ZNF195: variants seen among roughly 807,000 people sequenced by gnomAD.
The protein encoded by ZNF195 is hypoxia-regulated factor-1.
A neutral mutation model predicts 19.5 loss-of-function variants in ZNF195; 11 were observed. The observed-to-expected ratio is 0.57, with a 90% CI of 0.36 to 0.94. ZNF195 has a LOEUF of 0.94. ZNF195 is among the 40% of genes least tolerant of loss of function. ZNF195 has a pLI of 0.01. For missense variants in ZNF195, 582 were observed against 709.0 expected, an observed-to-expected ratio of 0.82 and a Z score of 2.03; for synonymous variants, 214 against 248.1, an observed-to-expected ratio of 0.86 and a Z score of 1.29.
intron 1 of ZNF195, among the ~76,000 whole-genome samples, chr11:3,372,111 A>C (rs1481281469): frequency 2.6e-5 from 4 of 152,212 alleles, no homozygotes; most frequent in African/African-American, 9.7e-5. Flanking sequence ...CGAATTTCTA[A>C]CGCGCTCACC....
Position 3,359,997 on chromosome 11 carries a change from G to A in ZNF195, c.1011C>T (p.Asn337=), listed in dbSNP as rs1848549892. The A allele has an allele frequency of 1.2e-6, 2 of 1,614,048 alleles. No homozygotes were observed. The highest frequency in any genetic ancestry group is 2.7e-5 in the African/African-American group (2 of 75,054). The change falls in exon 6 of 6, where the codon AAC becomes AAT. Residue 337 remains asparagine (N), a synonymous_variant. Transcript: ENST00000399602. The surrounding 1 kb of genome is among the most constrained non-coding windows in gnomAD (Gnocchi z 5.5). The part of the protein sequence containing the change: ...YRCEEFGKVF[N]QCSHLTEHEH... ...CATGTTCAGTAAGGTGGGAGCACTG[G>A]TTAAATACTTTGCCAAATTCTTCAC... is the stretch of plus-strand genomic sequence containing the variant.
Position 3,371,699 on chromosome 11 carries a change from AGAGTCT to A in ZNF195, c.4-2_7del. On this transcript the variant is annotated splice_acceptor_variant and coding_sequence_variant, in exon 2 of 6. Transcript: ENST00000399602. LOFTEE classifies it high-confidence loss of function. ...TATGGCCACATCCCTGAACGTCAAC[AGAGTCT>A]GAAGAAGAAACAACAACAATAACAA... The A allele has an allele frequency of 6.3e-7, 1 of 1,595,302 alleles. No individual in the cohort carries two copies. Among genetic ancestry groups the A allele is most frequent in the Non-Finnish European group, 8.5e-7 (1 of 1,171,158 alleles).
intron 1 of ZNF195, among the ~76,000 whole-genome samples, chr11:3,376,218 C>T (rs1472788028): frequency 6.6e-6 from 1 of 152,062 alleles, no homozygotes; most frequent in African/African-American, 2.4e-5. Flanking sequence ...TGTGAGCAGT[C>T]TGGCGCACCC....
intron 3 of ZNF195, among the ~76,000 whole-genome samples, chr11:3,367,484 A>G (rs1848956603): frequency 6.6e-6 from 1 of 152,066 alleles, no homozygotes; most frequent in Non-Finnish European, 1.5e-5. Flanking sequence ...GTAACATTTC[A>G]CAGAAAATGC....
intron 1 of ZNF195, among the ~76,000 whole-genome samples, chr11:3,371,908 A>T (rs1324538076): frequency 1.3e-5 from 2 of 152,244 alleles, no homozygotes; most frequent in African/African-American, 4.8e-5. Context: ...GTTGATAACA[A>T]GTATAACATT....
chr11:3,361,348 G>C (rs1848624497), intron 4 of ZNF195, among the ~76,000 whole-genome samples: 1 of 152,092 alleles, frequency 6.6e-6, no homozygotes, highest in Non-Finnish European at 1.5e-5. Context: ...GGGTCACATG[G>C]CATAATCAAA....
In ZNF195 at chr11:3,366,824, G is replaced by A. The variant is rs185476024; in HGVS notation, c.226+4151C>T. On this transcript the variant is annotated intron_variant, in intron 3 of 5. Coordinates refer to ENST00000399602, the MANE Select transcript of ZNF195 (RefSeq NM_001130520.3). ...TCACACCTGGAACCCCAGCACTTCG[G>A]GAGACCGAGGCGGGTGGATCACTTG... 7.4e-6 allele frequency: 3 copies of A among 404,902 alleles called. No individual in the cohort carries two copies. The East Asian group carries it at 2.3e-4, about 31-fold the overall frequency. The allele number at this position is 404,902 out of a possible 1,614,324, so 25.1% of individuals were successfully genotyped here. A position where few individuals can be genotyped will look rare whatever the true frequency, so the allele number is the denominator to read the frequency against.
In ZNF195 at chr11:3,359,000, A is replaced by G. The variant is rs1848501358; in HGVS notation, c.*118T>C. On this transcript the variant is annotated 3_prime_UTR_variant, in exon 6 of 6. Coordinates refer to ENST00000399602, the MANE Select transcript of ZNF195 (RefSeq NM_001130520.3). ...GCTCTGGAGACTTATATTTCATGAA[A>G]GGTCTTTCAATAGTAATTACATTTA... 8.0e-7 allele frequency: 1 copy of G among 1,255,152 alleles called. No individual in the cohort carries two copies. The highest frequency in any genetic ancestry group is 1.0e-6 in the Non-Finnish European group (1 of 966,976). The allele number at this position is 1,255,152 out of a possible 1,614,324, so 77.8% of individuals were successfully genotyped here. A position where few individuals can be genotyped will look rare whatever the true frequency, so the allele number is the denominator to read the frequency against.
At chr11:3,369,574 C>T (rs1442444069) in intron 3 of ZNF195, 3 of 428,870 alleles carry the variant, frequency 7.0e-6, no homozygotes, top group South Asian at 4.9e-5. Context: ...GGAATGAAAT[C>T]CTGTCATTCA....
chr11:3,366,230 C>T lies in ZNF195; in HGVS notation c.227-4341G>A, dbSNP rs1240826406. On this transcript the variant is annotated intron_variant, in intron 3 of 5. Transcript: ENST00000399602. Reference sequence around the variant, plus strand: ...AGTGAGCAGAGATCGCACCACTGCACTCCAGCCTGGGCGACAGAGCAAGAC... The same window carrying T: ...AGTGAGCAGAGATCGCACCACTGCATTCCAGCCTGGGCGACAGAGCAAGAC... Among the ~76,000 whole-genome samples, 3 of 140,980 alleles carry T rather than the reference C, an allele frequency of 2.1e-5. No homozygotes were observed. In the East Asian group the frequency reaches 6.2e-4, roughly 29 times the overall value. The allele number at this position is 140,980 out of a possible 152,430, so 92.5% of individuals were successfully genotyped here. A position where few individuals can be genotyped will look rare whatever the true frequency, so the allele number is the denominator to read the frequency against.
chr11:3,368,728 T>C (rs1589811400), intron 3 of ZNF195: 2 of 402,124 alleles, frequency 5.0e-6, no homozygotes, highest in East Asian at 7.3e-5. Flanking sequence ...AGAGGAAAAC[T>C]GCCGCAGAGA....
rs1278926783 is a variant in ZNF195, at chr11:3,378,603, T to G, written c.3+435A>C. On this transcript the variant is annotated intron_variant, in intron 1 of 5. Coordinates refer to ENST00000399602, the MANE Select transcript of ZNF195 (RefSeq NM_001130520.3). The stretch of plus-strand genomic sequence containing the variant: ...TAAAAGCCTTTCCTTCAAGGCCGGC[T>G]GGTGGGACCTCCAAACCCAAAAAAC... 2.0e-5 allele frequency among the ~76,000 whole-genome samples: 3 copies of G among 152,350 alleles called. No homozygotes were observed. In the East Asian group the frequency reaches 5.8e-4, roughly 29 times the overall value.
rs928875884 is a variant in ZNF195 at position 3,360,239 on chromosome 11, A to T, written c.769T>A (p.Ser257Thr). The T allele has an allele frequency of 2.5e-6, 4 of 1,613,956 alleles. No homozygotes were observed. The African/African-American group carries it at 5.3e-5, about 22-fold the overall frequency. Residue 257 changes from serine (S) to threonine (T), a missense_variant, in exon 6 of 6, where the codon TCA (serine) becomes ACA (threonine). Transcript: ENST00000399602. ...QECGKSFQMLSFLTEHQKIHT... is the reference protein window; with the variant it reads ...QECGKSFQMLTFLTEHQKIHT... ...ATTTTCTGATGTTCAGTTAGGAATG[A>T]GAGCATTTGAAAGGATTTGCCACAT...
intron 3 of ZNF195, chr11:3,366,776 C>T (rs76367597): frequency 0.014 from 3,996 of 295,862 alleles, 161 homozygotes; most frequent in African/African-American, 0.08. Context: ...TAGCATAGGC[C>T]GGGCACACTG....
intron 3 of ZNF195, among the ~76,000 whole-genome samples, chr11:3,363,863 A>T (rs1848741924): frequency 6.6e-6 from 1 of 152,252 alleles, no homozygotes; most frequent in South Asian, 2.1e-4. Context: ...TAAAAATAAA[A>T]CACAGAAAAA....
chr11:3,373,218 G>A (rs1849301305), intron 1 of ZNF195, among the ~76,000 whole-genome samples: 1 of 152,180 alleles, frequency 6.6e-6, no homozygotes, highest in Non-Finnish European at 1.5e-5. Context: ...GAAACCTAAA[G>A]AGTGCACATT....
At chr11:3,368,757 G>C in intron 3 of ZNF195, 1 of 446,854 alleles carries the variant, frequency 2.2e-6, no homozygotes, top group South Asian at 1.6e-5. Flanking sequence ...ACAGAACAGA[G>C]AGCCCAGAAT....
At chr11:3,362,718 A>C (rs1848691784) in intron 3 of ZNF195, 3 of 388,442 alleles carry the variant, frequency 7.7e-6, no homozygotes. Context: ...AAAAAATACA[A>C]TGGCTAAAGT....
At chr11:3,370,844 GA>G in intron 3 of ZNF195, 130 bp downstream of exon 3, 1 of 823,922 alleles carries the variant, frequency 1.2e-6, no homozygotes, top group Non-Finnish European at 2.0e-6. Flanking sequence ...TACAGCAAGA[GA>G]AAGACACCCA....
Sources: allele counts gnomAD v4.1 joint callset (sites outside exome capture counted in the v4.1 genomes callset), GRCh38; gene constraint gnomAD v4.1.1; non-coding constraint Gnocchi (gnomAD v3.1); transcripts MANE v1.5; gene names NCBI Gene and HGNC (gene_info 2026-07-23, HGNC 2026-07-21).